Variants in PABIR1 observed in about 807,000 individuals in gnomAD.
PABIR1 encodes the protein PP2A Aalpha (PPP2R1A) and B55A (PPP2R2A) interacting phosphatase regulator 1.
A neutral mutation model predicts 14.6 loss-of-function variants in PABIR1; 2 were observed. That is an observed-to-expected ratio of 0.14 (90% CI 0.06 to 0.43). PABIR1 has a LOEUF of 0.43. Ranked by LOEUF, PABIR1 falls within the 20% of genes least tolerant of loss-of-function variation. The probability of loss-of-function intolerance (pLI) is 0.99; values close to 1 mark genes in which losing one functional copy is unlikely to be tolerated. For missense variants in PABIR1, 294 were observed against 379.0 expected (o/e 0.78, Z 1.86); for synonymous variants, 163 against 155.4 (o/e 1.05, Z -0.36).
Position 68,780,753 on chromosome 9 carries a change from A to G in PABIR1, c.589A>G (p.Ser197Gly). 1 of 1,614,246 alleles carries G rather than the reference A, an allele frequency of 6.2e-7. No individual in the cohort carries two copies. Among genetic ancestry groups the G allele is most frequent in the Non-Finnish European group, 8.5e-7 (1 of 1,180,042 alleles). Residue 197 changes from serine to glycine, a missense_variant, in exon 1 of 1, where the codon AGT becomes GGT. By Grantham distance (56) the Ser-to-Gly change is moderately conservative. This residue lies in a region of PABIR1 where 103 missense variants were observed against 175.9 expected (regional missense o/e 0.59). Coordinates refer to ENST00000394264, the MANE Select transcript of PABIR1 (RefSeq NM_138333.5). ...SQSPINCIRP[S>G]VLGPLKRKCE... is the part of the protein sequence containing the mutation. ...GAGCCCCATCAATTGCATTAGACCA[A>G]GTGTTCTTGGACCATTGAAAAGAAA...
chr9:68,780,086 GCGGCGGCGGC>G lies in PABIR1; in HGVS notation c.-77_-68del. 1.5e-6 allele frequency: 2 copies of G among 1,377,062 alleles called. No homozygotes were observed. Among genetic ancestry groups the G allele is most frequent in the Non-Finnish European group, 1.9e-6 (2 of 1,062,238 alleles). 85.3% of individuals were successfully genotyped at this position (1,377,062 alleles called of 1,614,324 possible). A position where few individuals can be genotyped will look rare whatever the true frequency, so the allele number is the denominator to read the frequency against. On this transcript the variant is annotated 5_prime_UTR_variant, in exon 1 of 1. Coordinates refer to ENST00000394264, the MANE Select transcript of PABIR1 (RefSeq NM_138333.5). ...TGACAGATTCTCGGTGGCGGCGGCA[GCGGCGGCGGC>G]CCTGGACTGCGGGGAATGGGAATCC... is the stretch of plus-strand genomic sequence containing the variant.
At position 68,785,048 on chromosome 9, in the gene PABIR1, A is replaced by G. The variant is rs1010230472; in HGVS notation, c.*4020A>G. On this transcript the variant is annotated 3_prime_UTR_variant, in exon 1 of 1. Coordinates refer to ENST00000394264, the MANE Select transcript of PABIR1 (RefSeq NM_138333.5). ...CTCTGAGAATCTAAAGGAGTAAGTTAAGGACAAGTAGAAGGCTTATTAGGC... is the reference window on the plus strand; with the variant it reads ...CTCTGAGAATCTAAAGGAGTAAGTTGAGGACAAGTAGAAGGCTTATTAGGC... Among the ~76,000 whole-genome samples, 1 of 152,148 alleles carries G rather than the reference A, an allele frequency of 6.6e-6. No homozygotes were observed.
Position 68,783,583 on chromosome 9 carries a change from A to G in PABIR1, c.*2555A>G, listed in dbSNP as rs1422425013. 2.4e-5 allele frequency: 4 copies of G among 166,936 alleles called. No individual in the cohort carries two copies. Among genetic ancestry groups the G allele is most frequent in the African/African-American group, 9.6e-5 (4 of 41,458 alleles). 10.3% of individuals were successfully genotyped at this position (166,936 alleles called of 1,614,324 possible). On this transcript the variant is annotated 3_prime_UTR_variant, in exon 1 of 1. Coordinates refer to ENST00000394264, the MANE Select transcript of PABIR1 (RefSeq NM_138333.5). ...TACTGGCATTTCCATGTATATATGT[A>G]TATAAATGCAGGAAACCAACATGTC...
rs1034145165 is a variant in PABIR1 at position 68,781,206 on chromosome 9, C to T, written c.*178C>T. On this transcript the variant is annotated 3_prime_UTR_variant, in exon 1 of 1. Coordinates refer to ENST00000394264, the MANE Select transcript of PABIR1 (RefSeq NM_138333.5). ...TCTATGTCAGGTTCCTTTGGATACC[C>T]TTGAATTCAGTGTAGTAATATTTTC... 8 of 767,510 alleles carry T rather than the reference C, an allele frequency of 1.0e-5. No homozygotes were observed. Among genetic ancestry groups the T allele is most frequent in the Non-Finnish European group, 1.7e-5 (8 of 478,434 alleles). The allele number at this position is 767,510 out of a possible 1,614,324, so 47.5% of individuals were successfully genotyped here. A position where few individuals can be genotyped will look rare whatever the true frequency, so the allele number is the denominator to read the frequency against.
Position 68,782,419 on chromosome 9 carries a change from T to G in PABIR1, c.*1391T>G, listed in dbSNP as rs527450469. 6.0e-6 allele frequency: 1 copy of G among 167,042 alleles called. No homozygotes were observed. The highest frequency in any genetic ancestry group is 2.4e-5 in the African/African-American group (1 of 41,586). 10.3% of individuals were successfully genotyped at this position (167,042 alleles called of 1,614,324 possible). Reference sequence around the variant, plus strand: ...ATGTTTAATAAGAATAGCAAAAATTTTTTTATATTATGCATCCTTATACCT... The same window carrying G: ...ATGTTTAATAAGAATAGCAAAAATTGTTTTATATTATGCATCCTTATACCT... On this transcript the variant is annotated 3_prime_UTR_variant, in exon 1 of 1. Transcript: ENST00000394264.
rs964564264 is a variant in PABIR1, at chr9:68,783,602, A to C, written c.*2574A>C. ...ATATGTATATAAATGCAGGAAACCA[A>C]CATGTCATTGACACCTCTCTTCTTT... On this transcript the variant is annotated 3_prime_UTR_variant, in exon 1 of 1. Coordinates refer to ENST00000394264, the MANE Select transcript of PABIR1 (RefSeq NM_138333.5). 6.0e-6 allele frequency: 1 copy of C among 166,976 alleles called. No individual in the cohort carries two copies. The highest frequency in any genetic ancestry group is 1.9e-4 in the East Asian group (1 of 5,210). 10.3% of individuals were successfully genotyped at this position (166,976 alleles called of 1,614,324 possible). A position where few individuals can be genotyped will look rare whatever the true frequency, so the allele number is the denominator to read the frequency against.
rs749912658 is a variant in PABIR1, at chr9:68,780,467, G to T, written c.303G>T (p.Thr101=). ...GCATGGACTTGATCAACCGAGAGAC[G>T]GTCCACGAACGGGAGGTGCAGACCG... ...EEGMDLINRE[T]VHEREVQTAM... The change falls in exon 1 of 1, where the codon ACG becomes ACT. Residue 101 remains threonine, a synonymous_variant. Transcript: ENST00000394264. 2.7e-5 allele frequency: 44 copies of T among 1,614,090 alleles called. No homozygotes were observed. Among genetic ancestry groups the T allele is most frequent in the Non-Finnish European group, 3.5e-5 (41 of 1,180,054 alleles).
Position 68,783,255 on chromosome 9 carries a change from C to A in PABIR1, c.*2227C>A, listed in dbSNP as rs1432234550. 1 of 166,992 alleles carries A rather than the reference C, an allele frequency of 6.0e-6. No individual in the cohort carries two copies. The highest frequency in any genetic ancestry group is 1.5e-5 in the Non-Finnish European group (1 of 68,124). 10.3% of individuals were successfully genotyped at this position (166,992 alleles called of 1,614,324 possible). A position where few individuals can be genotyped will look rare whatever the true frequency, so the allele number is the denominator to read the frequency against. On this transcript the variant is annotated 3_prime_UTR_variant, in exon 1 of 1. Transcript: ENST00000394264. ...TCTGAAATAGCTTCAATCCTCTCCT[C>A]ATCTCTGTTCCAGTATACATCTTTC...
rs544365417 is a variant in PABIR1, at chr9:68,782,964, A to C, written c.*1936A>C. 6.0e-6 allele frequency: 1 copy of C among 167,038 alleles called. No homozygotes were observed. The highest frequency in any genetic ancestry group is 1.5e-5 in the Non-Finnish European group (1 of 68,118). The allele number at this position is 167,038 out of a possible 1,614,324, so 10.3% of individuals were successfully genotyped here. ...TTAGCTTAATCACCAAGTCCTGTCA[A>C]CTTCTGAAATGAATCTCAAATTTCT... On this transcript the variant is annotated 3_prime_UTR_variant, in exon 1 of 1. Coordinates refer to ENST00000394264, the MANE Select transcript of PABIR1 (RefSeq NM_138333.5).
chr9:68,781,029 T>C lies in PABIR1; in HGVS notation c.*1T>C. On this transcript the variant is annotated 3_prime_UTR_variant, in exon 1 of 1. Coordinates refer to ENST00000394264, the MANE Select transcript of PABIR1 (RefSeq NM_138333.5). ...ACTAGATGAACTTTCGTCTAAGTGA[T>C]TCACTCATCCTGAGACTTTCTTTTT... 1 of 1,611,306 alleles carries C rather than the reference T, an allele frequency of 6.2e-7. No homozygotes were observed. Among genetic ancestry groups the C allele is most frequent in the Non-Finnish European group, 8.5e-7 (1 of 1,177,898 alleles).
Position 68,780,783 on chromosome 9 carries a change from G to A in PABIR1, c.619G>A (p.Glu207Lys). Residue 207 changes from glutamate (E) to lysine (K), a missense_variant, in exon 1 of 1, where the codon GAA becomes AAA. By Grantham distance (56) the Glu-to-Lys change is moderately conservative. Around this residue, in one of 3 missense-constraint regions of PABIR1, gnomAD observed 95 missense variants for 100.8 expected, o/e 0.94. Transcript: ENST00000394264. Reference sequence around the variant, plus strand: ...TCTTGGACCATTGAAAAGAAAATGTGAAATGGAAACTGAATATCAGCCAAA... The same window carrying A: ...TCTTGGACCATTGAAAAGAAAATGTAAAATGGAAACTGAATATCAGCCAAA... ...SVLGPLKRKCEMETEYQPKRF... is the reference protein window; with the variant it reads ...SVLGPLKRKCKMETEYQPKRF... 6.2e-7 allele frequency: 1 copy of A among 1,614,204 alleles called. No individual in the cohort carries two copies. The highest frequency in any genetic ancestry group is 8.5e-7 in the Non-Finnish European group (1 of 1,180,030).
chr9:68,784,189 TTATTC>T lies in PABIR1; in HGVS notation c.*3163_*3167del, dbSNP rs1341174944. 2 of 165,522 alleles carry T rather than the reference TTATTC, an allele frequency of 1.2e-5. No individual in the cohort carries two copies. Among genetic ancestry groups the T allele is most frequent in the Non-Finnish European group, 2.9e-5 (2 of 68,122 alleles). The allele number at this position is 165,522 out of a possible 1,614,324, so 10.3% of individuals were successfully genotyped here. On this transcript the variant is annotated 3_prime_UTR_variant, in exon 1 of 1. Transcript: ENST00000394264. The stretch of plus-strand genomic sequence containing the variant: ...ATAGTATTGTTCATAACGTCCATCA[TTATTC>T]TGTAGACTGTAAGGGCTTACTTAGC...
chr9:68,780,106 C>T lies in PABIR1; in HGVS notation c.-59C>T, dbSNP rs1279049708. 2.7e-6 allele frequency: 4 copies of T among 1,473,442 alleles called. No individual in the cohort carries two copies. Among genetic ancestry groups the T allele is most frequent in the Non-Finnish European group, 1.8e-6 (2 of 1,117,572 alleles). The allele number at this position is 1,473,442 out of a possible 1,614,324, so 91.3% of individuals were successfully genotyped here. On this transcript the variant is annotated 5_prime_UTR_variant, in exon 1 of 1. Transcript: ENST00000394264. ...CGGCAGCGGCGGCGGCCCTGGACTG[C>T]GGGGAATGGGAATCCTAGGTCCCTG... is the stretch of plus-strand genomic sequence containing the variant.
rs201313143 is a variant in PABIR1, at chr9:68,780,596, A to G, written c.432A>G (p.Pro144=). The change falls in exon 1 of 1, where the codon CCA becomes CCG. Residue 144 remains proline, a synonymous_variant. Transcript: ENST00000394264. ...PKRIDFIPVS[P]APSPTRGIGK... is the part of the protein sequence containing the mutation. ...GCATCGATTTCATTCCTGTGTCACC[A>G]GCACCGTCACCCACTCGGGGAATTG... is the stretch of plus-strand genomic sequence containing the variant. 2.5e-6 allele frequency: 4 copies of G among 1,614,218 alleles called. No homozygotes were observed. Among genetic ancestry groups the G allele is most frequent in the Admixed American group, 3.3e-5 (2 of 60,022 alleles).
In PABIR1 at chr9:68,780,114, G is replaced by C; in HGVS notation, c.-51G>C. 6.7e-7 allele frequency: 1 copy of C among 1,481,522 alleles called. No individual in the cohort carries two copies. The highest frequency in any genetic ancestry group is 8.9e-7 in the Non-Finnish European group (1 of 1,121,400). The allele number at this position is 1,481,522 out of a possible 1,614,324, so 91.8% of individuals were successfully genotyped here. On this transcript the variant is annotated 5_prime_UTR_variant, in exon 1 of 1. The change abolishes an upstream ATG in the 5' untranslated region. Transcript: ENST00000394264. ...GCGGCGGCCCTGGACTGCGGGGAAT[G>C]GGAATCCTAGGTCCCTGACTGAGCA...
rs765546565 is a variant in PABIR1, at chr9:68,784,988, T to C, written c.*3960T>C. Among the ~76,000 whole-genome samples the C allele has an allele frequency of 6.6e-6, 1 of 152,136 alleles. No individual in the cohort carries two copies. The highest frequency in any genetic ancestry group is 1.5e-5 in the Non-Finnish European group (1 of 68,020). Reference sequence around the variant, plus strand: ...CATGAGGATAGGGACAGGAGATCATTTGGAAGCTTGAGTGCAGTAAAGGTT... The same window carrying C: ...CATGAGGATAGGGACAGGAGATCATCTGGAAGCTTGAGTGCAGTAAAGGTT... On this transcript the variant is annotated 3_prime_UTR_variant, in exon 1 of 1. Transcript: ENST00000394264.
In PABIR1 at chr9:68,780,414, C is replaced by T; in HGVS notation, c.250C>T (p.Arg84Cys). The T allele has an allele frequency of 6.2e-7, 1 of 1,614,020 alleles. No homozygotes were observed. Among genetic ancestry groups the T allele is most frequent in the Non-Finnish European group, 8.5e-7 (1 of 1,180,038 alleles). ...CTCCCCTGTCCGCATGCACAGCAGC[C>T]GCTTGCACCAGATCAAACAAGAAGA... ...PASPVRMHSS[R>C]LHQIKQEEGM... The change falls in exon 1 of 1, where the codon CGC becomes TGC. Residue 84 changes from arginine (R) to cysteine (C), a missense_variant. Arg to Cys is a radical substitution (Grantham distance 180, BLOSUM62 -3). Coordinates refer to ENST00000394264, the MANE Select transcript of PABIR1 (RefSeq NM_138333.5).
rs1175100582 is a variant in PABIR1, at chr9:68,784,102, T to C, written c.*3074T>C. The C allele has an allele frequency of 6.0e-6, 1 of 167,132 alleles. No individual in the cohort carries two copies. The highest frequency in any genetic ancestry group is 1.5e-5 in the Non-Finnish European group (1 of 68,122). The allele number at this position is 167,132 out of a possible 1,614,324, so 10.4% of individuals were successfully genotyped here. A position where few individuals can be genotyped will look rare whatever the true frequency, so the allele number is the denominator to read the frequency against. ...TTATTTCTGTAAGCTTATTCTTCTA[T>C]ATAGATGGGAAGTTTTTAAATCAGA... On this transcript the variant is annotated 3_prime_UTR_variant, in exon 1 of 1. Transcript: ENST00000394264.
At position 68,782,073 on chromosome 9, in the gene PABIR1, T is replaced by A. The variant is rs1361249590; in HGVS notation, c.*1045T>A. Reference sequence around the variant, plus strand: ...ATCTGTCACCTTACTGGTTTTCCCTTGTTCAGGAAGGAAGCAGCTGTTTCC... The same window carrying A: ...ATCTGTCACCTTACTGGTTTTCCCTAGTTCAGGAAGGAAGCAGCTGTTTCC... On this transcript the variant is annotated 3_prime_UTR_variant, in exon 1 of 1. Coordinates refer to ENST00000394264, the MANE Select transcript of PABIR1 (RefSeq NM_138333.5). 1.2e-5 allele frequency: 2 copies of A among 167,238 alleles called. No individual in the cohort carries two copies. Among genetic ancestry groups the A allele is most frequent in the East Asian group, 3.9e-4 (2 of 5,194 alleles). The allele number at this position is 167,238 out of a possible 1,614,324, so 10.4% of individuals were successfully genotyped here.
Sources: allele counts gnomAD v4.1 joint callset (sites outside exome capture counted in the v4.1 genomes callset), GRCh38; gene constraint gnomAD v4.1.1; regional missense constraint gnomAD v4.1.1; transcripts MANE v1.5; gene names NCBI Gene and HGNC (gene_info 2026-07-23, HGNC 2026-07-21).